The following GRID2 variants were observed in gnomAD, a reference collection of about 807,000 sequenced individuals.
GRID2 encodes glutamate receptor ionotropic, delta-2.
In GRID2, 33 loss-of-function variants were observed where a neutral mutation model predicts 114.8. The observed-to-expected ratio is 0.29, with a 90% CI of 0.22 to 0.38. GRID2 has a LOEUF of 0.38. GRID2 is among the 10% of genes least tolerant of loss of function. GRID2 has a pLI of 1.00. For missense variants in GRID2, 1,184 were observed against 1,257.7 expected, an observed-to-expected ratio of 0.94 and a Z score of 0.89; for synonymous variants, 505 against 449.9, an observed-to-expected ratio of 1.12 and a Z score of -1.55.
At chr4:93,025,226 G>C (rs1045835209) in intron 2 of GRID2, among the ~76,000 whole-genome samples, 1 of 151,840 alleles carries the variant, frequency 6.6e-6, no homozygotes, top group East Asian at 1.9e-4. Context: ...TAAGTTCTCA[G>C]CATATTTCTC....
rs148297661 is a variant in GRID2 at position 93,206,082 on chromosome 4, A to G, written c.736-1322A>G. 2.0e-5 allele frequency among the ~76,000 whole-genome samples: 3 copies of G among 152,008 alleles called. No individual in the cohort carries two copies. In the East Asian group the frequency reaches 5.8e-4, roughly 29 times the overall value. ...ACTTAAAGTATAATAATAATAAAAT[A>G]AAATTAAAAATGATAATAATAATAA... On this transcript the variant is annotated intron_variant, in intron 4 of 15. Transcript: ENST00000282020.
intron 13 of GRID2, among the ~76,000 whole-genome samples, chr4:93,549,308 T>C (rs1453514419): frequency 1.3e-5 from 2 of 152,276 alleles, no homozygotes; most frequent in East Asian, 3.9e-4. Context: ...GAATACTCTT[T>C]GATAAAATTA....
chr4:92,501,782 T>G (rs2149123692), intron 1 of GRID2, among the ~76,000 whole-genome samples: 1 of 152,288 alleles, frequency 6.6e-6, no homozygotes, highest in South Asian at 2.1e-4. Context: ...GTGTTTAAAG[T>G]TTCTTCTTCC....
intron 1 of GRID2, among the ~76,000 whole-genome samples, chr4:92,311,157 C>T (rs895037755): frequency 1.3e-5 from 2 of 151,960 alleles, no homozygotes; most frequent in African/African-American, 4.8e-5. Context: ...GATGAATAGT[C>T]TTATGTATCA....
chr4:92,361,885 G>A (rs1037085773), intron 1 of GRID2, among the ~76,000 whole-genome samples: 28 of 151,890 alleles, frequency 1.8e-4, no homozygotes, highest in African/African-American at 5.8e-4. Flanking sequence ...TCCATTCTAG[G>A]ATCATCAACT....
At chr4:92,844,309 C>T (rs563534869) in intron 2 of GRID2, among the ~76,000 whole-genome samples, 37 of 151,994 alleles carry the variant, frequency 2.4e-4, no homozygotes, top group Admixed American at 5.2e-4. Context: ...GAGGCCAAGA[C>T]GGGTGGATTA....
intron 2 of GRID2, among the ~76,000 whole-genome samples, chr4:92,671,365 G>A (rs1476356885): frequency 6.6e-6 from 1 of 152,014 alleles, no homozygotes; most frequent in Non-Finnish European, 1.5e-5. Context: ...TTTTGGTGGG[G>A]ACAGAGAGCC....
chr4:92,432,228 C>T (rs1732495854), intron 1 of GRID2, among the ~76,000 whole-genome samples: 1 of 152,046 alleles, frequency 6.6e-6, no homozygotes, highest in Non-Finnish European at 1.5e-5. Context: ...TCCTAAGGCC[C>T]ATGGCGACCA....
chr4:92,415,167 T>G, intron 1 of GRID2, among the ~76,000 whole-genome samples: 1 of 152,236 alleles, frequency 6.6e-6, no homozygotes, highest in East Asian at 1.9e-4. Context: ...TAATTACTGA[T>G]ATATCTTAAC....
At chr4:92,947,607 G>T (rs560669855) in intron 2 of GRID2, among the ~76,000 whole-genome samples, 120 of 151,752 alleles carry the variant, frequency 7.9e-4, no homozygotes, top group African/African-American at 2.8e-3. Context: ...AGATAGCATT[G>T]ACAAATGTCT....
chr4:93,318,359 G>A (rs190358981), intron 8 of GRID2, among the ~76,000 whole-genome samples: 1 of 152,084 alleles, frequency 6.6e-6, no homozygotes, highest in East Asian at 1.9e-4. Context: ...ATTAATGTTA[G>A]ATTATGTTGA....
chr4:92,900,928 G>T (rs1747537018), intron 2 of GRID2, among the ~76,000 whole-genome samples: 1 of 145,706 alleles, frequency 6.9e-6, no homozygotes, highest in Admixed American at 7.1e-5. Flanking sequence ...TGACTGAGTA[G>T]TATTCGTCTG....
intron 2 of GRID2, among the ~76,000 whole-genome samples, chr4:92,883,128 C>A (rs957548132): frequency 6.6e-6 from 1 of 152,220 alleles, no homozygotes; most frequent in African/African-American, 2.4e-5. Flanking sequence ...GCCTTATCAA[C>A]TCAATTTATG....
At chr4:92,783,891 T>TA (rs143895838) in intron 2 of GRID2, among the ~76,000 whole-genome samples, 3,458 of 150,900 alleles carry the variant, frequency 0.023, 100 homozygotes, top group East Asian at 0.12. Flanking sequence ...TCTCTCTAAT[T>TA]AAAAAAAAAG....
chr4:92,783,091 T>G (rs1739161788), intron 2 of GRID2, among the ~76,000 whole-genome samples: 1 of 152,128 alleles, frequency 6.6e-6, no homozygotes, highest in Non-Finnish European at 1.5e-5. Context: ...TCATATATCA[T>G]GATTTTATGT....
intron 10 of GRID2, among the ~76,000 whole-genome samples, chr4:93,423,530 G>A (rs535479652): frequency 1.3e-5 from 2 of 151,254 alleles, no homozygotes; most frequent in South Asian, 4.2e-4. Context: ...TGTATTTTTA[G>A]TAGAGACGGG....
In GRID2 at chr4:93,038,683, C is replaced by A. The variant is rs528013680; in HGVS notation, c.245-46312C>A. Among the ~76,000 whole-genome samples, 126 of 151,866 alleles carry A rather than the reference C, an allele frequency of 8.3e-4. 1 individual carries two copies. Among genetic ancestry groups the A allele is most frequent in the Admixed American group, 4.5e-3 (69 of 15,236 alleles). ...GTGGGCACCTGTAGTCCCAGCTACT[C>A]GGGAGGCTGAGGCAGGAGAATGGCG... On this transcript the variant is annotated intron_variant, in intron 2 of 15. Transcript: ENST00000282020.
At chr4:93,009,533 T>C (rs1456339597) in intron 2 of GRID2, among the ~76,000 whole-genome samples, 2 of 152,154 alleles carry the variant, frequency 1.3e-5, no homozygotes, top group South Asian at 2.1e-4. Context: ...ATTTTCATAA[T>C]CTTCTTGATT....
rs75949331 is a variant in GRID2 at position 92,552,970 on chromosome 4, G to C, written c.89-37161G>C. Among the ~76,000 whole-genome samples, 38 of 152,292 alleles carry C rather than the reference G, an allele frequency of 2.5e-4. No individual in the cohort carries two copies. The East Asian group carries it at 4.4e-3, about 18-fold the overall frequency. On this transcript the variant is annotated intron_variant, in intron 1 of 15. Coordinates refer to ENST00000282020, the MANE Select transcript of GRID2 (RefSeq NM_001510.4). Reference sequence around the variant, plus strand: ...ATCAGAATGTGTGTTTTGGTGAGCAGATTTGCTCACATAAGTGAAACAATG... The same window carrying C: ...ATCAGAATGTGTGTTTTGGTGAGCACATTTGCTCACATAAGTGAAACAATG...
Sources: allele counts gnomAD v4.1 joint callset (sites outside exome capture counted in the v4.1 genomes callset), GRCh38; gene constraint gnomAD v4.1.1; transcripts MANE v1.5; gene names NCBI Gene and HGNC (gene_info 2026-07-23, HGNC 2026-07-21).